LHFPL3: variants seen among roughly 807,000 people sequenced by gnomAD.
LHFPL3 encodes the protein LHFPL tetraspan subfamily member 3 protein.
In LHFPL3, 5 loss-of-function variants were observed where a neutral mutation model predicts 19.3. The ratio of observed to expected loss-of-function variants is 0.26; its 90% CI spans 0.14 to 0.54. The LOEUF (loss-of-function observed/expected upper bound fraction) is 0.54. Among genes scored for constraint, LHFPL3 ranks in the 20% least tolerant of loss-of-function variants. The pLI is 0.94. For missense variants in LHFPL3, 249 were observed against 307.4 expected (o/e 0.81, Z 1.42); for synonymous variants, 133 against 126.2 (o/e 1.05, Z -0.36).
At chr7:104,787,238 A>T (rs1251078343) in intron 2 of LHFPL3, among the ~76,000 whole-genome samples, 1 of 152,186 alleles carries the variant, frequency 6.6e-6, no homozygotes, top group Non-Finnish European at 1.5e-5. Context: ...TATCATTTAG[A>T]TGATTTGTGG....
intron 1 of LHFPL3, among the ~76,000 whole-genome samples, chr7:104,610,233 G>A (rs955575711): frequency 6.6e-6 from 1 of 151,956 alleles, no homozygotes; most frequent in Non-Finnish European, 1.5e-5. Flanking sequence ...TAAATGTCTG[G>A]CATCTTTGAT....
intron 1 of LHFPL3, among the ~76,000 whole-genome samples, chr7:104,497,779 T>C (rs1274686059): frequency 6.6e-6 from 1 of 152,160 alleles, no homozygotes; most frequent in African/African-American, 2.4e-5. Context: ...ATTAATCCCA[T>C]TTCCAGTGCT....
intron 1 of LHFPL3, among the ~76,000 whole-genome samples, chr7:104,421,604 A>G (rs1352159669): frequency 1.3e-5 from 2 of 152,222 alleles, no homozygotes; most frequent in Non-Finnish European, 2.9e-5. Flanking sequence ...CAGAGAAGCC[A>G]GAGACAAGAT....
chr7:104,384,509 G>A (rs185657907), intron 1 of LHFPL3, among the ~76,000 whole-genome samples: 22 of 152,142 alleles, frequency 1.4e-4, no homozygotes, highest in East Asian at 1.2e-3. Flanking sequence ...TGTATAGGCC[G>A]GGCATGGTGG....
intron 2 of LHFPL3, among the ~76,000 whole-genome samples, chr7:104,808,737 G>C (rs28546605): frequency 0.017 from 2,659 of 152,186 alleles, 81 homozygotes; most frequent in African/African-American, 0.059. Flanking sequence ...ATACTCTAAG[G>C]CCGGTGAGTC....
intron 1 of LHFPL3, among the ~76,000 whole-genome samples, chr7:104,397,272 T>G (rs949585436): frequency 6.6e-6 from 1 of 152,180 alleles, no homozygotes; most frequent in African/African-American, 2.4e-5. Flanking sequence ...ATTTTTATCT[T>G]AAGTAAACAC....
chr7:104,481,142 G>A (rs760705496), intron 1 of LHFPL3, among the ~76,000 whole-genome samples: 1 of 152,132 alleles, frequency 6.6e-6, no homozygotes, highest in Non-Finnish European at 1.5e-5. Flanking sequence ...CAACTGAGAA[G>A]CCATCTGTAC....
chr7:104,370,166 T>A (rs980432431), intron 1 of LHFPL3, among the ~76,000 whole-genome samples: 2 of 152,060 alleles, frequency 1.3e-5, no homozygotes, highest in African/African-American at 4.8e-5. Context: ...TTTAGAAGCT[T>A]GGAGAAGGAA....
intron 2 of LHFPL3, among the ~76,000 whole-genome samples, chr7:104,754,198 G>A (rs1794237243): frequency 6.6e-6 from 1 of 152,082 alleles, no homozygotes; most frequent in Admixed American, 6.6e-5. Flanking sequence ...ATAGCGAAGT[G>A]TATGGATCTT....
At chr7:104,752,377 G>C (rs914799079) in intron 2 of LHFPL3, among the ~76,000 whole-genome samples, 1 of 150,572 alleles carries the variant, frequency 6.6e-6, no homozygotes, top group East Asian at 1.9e-4. Flanking sequence ...AAACTGAAAC[G>C]CTATCTTCTT....
At chr7:104,735,004 G>T (rs1007635478) in intron 1 of LHFPL3, among the ~76,000 whole-genome samples, 1 of 152,202 alleles carries the variant, frequency 6.6e-6, no homozygotes, top group African/African-American at 2.4e-5. Flanking sequence ...GTTTGCCTGG[G>T]TATCACCAGC....
intron 2 of LHFPL3, among the ~76,000 whole-genome samples, chr7:104,867,325 C>T (rs576377593): frequency 4.6e-5 from 7 of 151,898 alleles, no homozygotes; most frequent in South Asian, 2.1e-4. Context: ...ATTGACAGAC[C>T]GCTGGCAAGA....
intron 1 of LHFPL3, among the ~76,000 whole-genome samples, chr7:104,593,459 G>C (rs1323536131): frequency 6.6e-6 from 1 of 152,040 alleles, no homozygotes; most frequent in East Asian, 1.9e-4. Flanking sequence ...TTACTTCCAA[G>C]TCTGTGGTCA....
At chr7:104,588,833 A>G (rs1172697069) in intron 1 of LHFPL3, among the ~76,000 whole-genome samples, 3 of 152,248 alleles carry the variant, frequency 2.0e-5, no homozygotes, top group African/African-American at 7.2e-5. Flanking sequence ...GGTCCTTCAC[A>G]TCCCTTGTAA....
At chr7:104,739,651 T>C (rs558899629) in intron 2 of LHFPL3, among the ~76,000 whole-genome samples, 1 of 152,334 alleles carries the variant, frequency 6.6e-6, no homozygotes, top group Admixed American at 6.5e-5. Flanking sequence ...CTGATAAAAC[T>C]ACTGAGATGT....
intron 1 of LHFPL3, among the ~76,000 whole-genome samples, chr7:104,590,939 T>A (rs1009745293): frequency 6.6e-6 from 1 of 152,168 alleles, no homozygotes; most frequent in African/African-American, 2.4e-5. Flanking sequence ...TTGCAACACC[T>A]GCTTTTTTTT....
chr7:104,668,858 G>C, intron 1 of LHFPL3: 1 of 1,612,090 alleles, frequency 6.2e-7, no homozygotes, highest in African/African-American at 1.3e-5. Flanking sequence ...AGCTGCTAGA[G>C]AAAGAGAAGT....
chr7:104,582,363 T>C (rs980801167), intron 1 of LHFPL3, among the ~76,000 whole-genome samples: 2 of 152,024 alleles, frequency 1.3e-5, no homozygotes, highest in Non-Finnish European at 2.9e-5. Flanking sequence ...AATAATTGTA[T>C]TTAGAATTCT....
intron 2 of LHFPL3, chr7:104,768,645 T>A (rs1243363323): frequency 1.3e-5 from 2 of 152,112 alleles, no homozygotes; most frequent in Admixed American, 1.3e-4. Context: ...GAGAAATCGA[T>A]CCAGCAAGCA....
Sources: gnomAD v4.1 joint callset for allele counts (sites outside exome capture counted in the v4.1 genomes callset) on GRCh38, gnomAD v4.1.1 for gene constraint, MANE v1.5 for transcripts, NCBI Gene and HGNC (gene_info 2026-07-23, HGNC 2026-07-21) for gene names.